ATP2C2: variants seen among roughly 807,000 people sequenced by gnomAD.
The protein encoded by ATP2C2 is calcium-transporting ATPase type 2C member 2.
ATP2C2 carries 171 observed loss-of-function variants against 110.8 expected under a neutral mutation model. That is an observed-to-expected ratio of 1.54 (90% CI 1.36 to 1.75). ATP2C2 has a LOEUF of 1.75. Ranked by LOEUF, ATP2C2 falls within the 40% of genes most tolerant of loss-of-function variation. The pLI, the probability that ATP2C2 is intolerant of heterozygous loss-of-function variation, is 0.00. For synonymous variants in ATP2C2, 804 were observed against 508.4 expected (o/e 1.58, Z -7.82); for missense variants, 1,963 against 1,235.0 (o/e 1.59, Z -8.84).
chr16:84,431,064 G>T (rs1908235994), intron 11 of ATP2C2, among the ~76,000 whole-genome samples: 1 of 152,148 alleles, frequency 6.6e-6, no homozygotes, highest in African/African-American at 2.4e-5. Flanking sequence ...TGATCCAGCT[G>T]GATCAGGTAG....
intron 11 of ATP2C2, among the ~76,000 whole-genome samples, chr16:84,430,263 A>C (rs906827891): frequency 3.3e-5 from 5 of 152,180 alleles, no homozygotes; most frequent in Non-Finnish European, 7.3e-5. Flanking sequence ...GGAGATGAGG[A>C]CAAGGAGGCC....
chr16:84,403,329 A>G (rs1033762167), intron 2 of ATP2C2, among the ~76,000 whole-genome samples: 1 of 152,138 alleles, frequency 6.6e-6, no homozygotes, highest in Non-Finnish European at 1.5e-5. Flanking sequence ...TTTCCAAGAC[A>G]TGGTCTCATT....
chr16:84,400,603 A>G (rs1460264438), intron 2 of ATP2C2, among the ~76,000 whole-genome samples: 1 of 152,224 alleles, frequency 6.6e-6, no homozygotes, highest in Non-Finnish European at 1.5e-5. Context: ...CTGGGATTAC[A>G]GGCATGAGCC....
At chr16:84,453,266 G>C (rs763095934) in intron 19 of ATP2C2, 31 bp downstream of exon 19, 1 of 1,614,086 alleles carries the variant, frequency 6.2e-7, no homozygotes, top group South Asian at 1.1e-5. Flanking sequence ...CTGGCAGTGG[G>C]GCTGGGTCAC....
intron 17 of ATP2C2, among the ~76,000 whole-genome samples, chr16:84,451,648 G>C (rs1225355662): frequency 1.3e-5 from 2 of 152,146 alleles, no homozygotes; most frequent in African/African-American, 4.8e-5. Flanking sequence ...GACCAGCCTG[G>C]CCAACATGGT....
intron 1 of ATP2C2, among the ~76,000 whole-genome samples, chr16:84,388,356 C>T (rs2326253): frequency 0.47 from 72,119 of 151,970 alleles, 17,213 homozygotes; most frequent in South Asian, 0.58. Flanking sequence ...TAGTATCAAC[C>T]TTTGAACACA....
intron 1 of ATP2C2, among the ~76,000 whole-genome samples, chr16:84,393,043 GC>G (rs1411152182): frequency 6.6e-6 from 1 of 152,140 alleles, no homozygotes; most frequent in Non-Finnish European, 1.5e-5. Context: ...TTCAAGGTGG[GC>G]CATTCTGGGT....
At chr16:84,388,016 G>T (rs1477778598) in intron 1 of ATP2C2, among the ~76,000 whole-genome samples, 1 of 151,894 alleles carries the variant, frequency 6.6e-6, no homozygotes, top group Non-Finnish European at 1.5e-5. Context: ...CACAGCAGGT[G>T]TGTTTTTGTA....
rs564521194 is a variant in ATP2C2, at chr16:84,411,913, C to A, written c.515+1148C>A. On this transcript the variant is annotated intron_variant, in intron 6 of 26. Coordinates refer to ENST00000262429, the MANE Select transcript of ATP2C2 (RefSeq NM_014861.4). ...GGCCCAGGAGGGAAAACAGCTTTTT[C>A]CTTTTTCTTTTCTTTCTTTCCTTTC... Among the ~76,000 whole-genome samples, 7 of 151,956 alleles carry A rather than the reference C, an allele frequency of 4.6e-5. No homozygotes were observed. In the East Asian group the frequency reaches 1.3e-3, roughly 29 times the overall value.
intron 2 of ATP2C2, among the ~76,000 whole-genome samples, chr16:84,399,120 C>T (rs577612531): frequency 3.9e-5 from 6 of 152,370 alleles, no homozygotes; most frequent in Non-Finnish European, 5.9e-5. Flanking sequence ...GCAAGACAAA[C>T]ATTTGCATTG....
At chr16:84,443,009 G>A (rs990104069) in intron 15 of ATP2C2, among the ~76,000 whole-genome samples, 3 of 152,130 alleles carry the variant, frequency 2.0e-5, no homozygotes, top group African/African-American at 7.2e-5. Context: ...TAGACCCTGA[G>A]CTCTGTGGCT....
At chr16:84,412,599 A>G (rs543994660) in intron 6 of ATP2C2, among the ~76,000 whole-genome samples, 7 of 151,764 alleles carry the variant, frequency 4.6e-5, no homozygotes, top group Non-Finnish European at 5.9e-5. Flanking sequence ...GGGTTTCACT[A>G]TGTTGCTCAG....
chr16:84,459,987 C>T (rs995284427), intron 23 of ATP2C2: 11 of 245,260 alleles, frequency 4.5e-5, no homozygotes, highest in African/African-American at 2.4e-4. Flanking sequence ...GTCAGGGGAC[C>T]CATCTGGCCA....
intron 2 of ATP2C2, chr16:84,404,770 A>G (rs981064545): frequency 2.5e-5 from 9 of 359,974 alleles, no homozygotes; most frequent in African/African-American, 1.5e-4. Flanking sequence ...ATCGCCACAC[A>G]GTTTCCATAA....
chr16:84,459,749 C>T, intron 23 of ATP2C2: 2 of 643,714 alleles, frequency 3.1e-6, no homozygotes, highest in Admixed American at 2.8e-5. Context: ...TGTATTTTTC[C>T]CTAGAGAGGA....
intron 7 of ATP2C2, among the ~76,000 whole-genome samples, 183 bp from the exon 8 acceptor site, chr16:84,422,207 G>A (rs1420071287): frequency 6.6e-6 from 1 of 152,088 alleles, no homozygotes; most frequent in African/African-American, 2.4e-5. Context: ...TTTAAGAGAG[G>A]CCGCTCATTC....
intron 2 of ATP2C2, chr16:84,404,899 C>T (rs61740804): frequency 0.12 from 77,220 of 628,806 alleles, 5,466 homozygotes; most frequent in East Asian, 0.18. Context: ...AATTTAAGAC[C>T]AGAGTCGTCT....
chr16:84,446,302 TA>T, intron 15 of ATP2C2, 26 bp from the exon 16 acceptor site: 1 of 1,456,156 alleles, frequency 6.9e-7, no homozygotes. Context: ...GATGACTCAC[TA>T]AAAATGTGTC....
chr16:84,416,649 C>T (rs1906859694), intron 7 of ATP2C2, among the ~76,000 whole-genome samples: 1 of 152,168 alleles, frequency 6.6e-6, no homozygotes, highest in African/African-American at 2.4e-5. Flanking sequence ...GATTTCCAGG[C>T]AGGGCAGGGA....
Sources: allele counts gnomAD v4.1 joint callset (sites outside exome capture counted in the v4.1 genomes callset), GRCh38; gene constraint gnomAD v4.1.1; transcripts MANE v1.5; gene names NCBI Gene and HGNC (gene_info 2026-07-23, HGNC 2026-07-21).